Variants in TSPAN5 observed in about 807,000 individuals in gnomAD.
TSPAN5 encodes the protein tetraspanin-5.
In TSPAN5, 10 loss-of-function variants were observed where a neutral mutation model predicts 37.1. The observed-to-expected ratio is 0.27, with a 90% CI of 0.17 to 0.46. The LOEUF is 0.46. Among genes scored for constraint, TSPAN5 ranks in the 20% least tolerant of loss-of-function variants. TSPAN5 has a pLI of 1.00. For missense variants in TSPAN5, 195 were observed against 326.6 expected (o/e 0.60, Z 3.11); for synonymous variants, 110 against 118.9 (o/e 0.93, Z 0.48).
intron 1 of TSPAN5, among the ~76,000 whole-genome samples, chr4:98,643,434 G>T (rs1757000009): frequency 6.6e-6 from 1 of 151,920 alleles, no homozygotes. Flanking sequence ...AAAGTCCAAG[G>T]ATATAGATCA....
At position 98,476,445 on chromosome 4, in the gene TSPAN5, T is replaced by G; in HGVS notation, c.592A>C (p.Thr198Pro). ...TKDPAEDVIN[T>P]QCGYDARQKP... ...TGCCTGGCATCATAGCCACACTGAGTGTTGATGACATCTTCCTGGTGAAGA... is the reference window on the plus strand; with the variant it reads ...TGCCTGGCATCATAGCCACACTGAGGGTTGATGACATCTTCCTGGTGAAGA... The change falls in exon 6 of 8, where the codon ACT becomes CCT. Residue 198 changes from threonine to proline, a missense_variant. Thr to Pro is a conservative substitution (Grantham distance 38, BLOSUM62 -1). Coordinates refer to ENST00000305798, the MANE Select transcript of TSPAN5 (RefSeq NM_005723.4). 1 of 1,614,192 alleles carries G rather than the reference T, an allele frequency of 6.2e-7. No individual in the cohort carries two copies. The highest frequency in any genetic ancestry group is 8.5e-7 in the Non-Finnish European group (1 of 1,180,032).
chr4:98,478,802 G>A lies in TSPAN5; in HGVS notation c.459C>T (p.Cys153=). 6.2e-7 allele frequency: 1 copy of A among 1,613,822 alleles called. No homozygotes were observed. The highest frequency in any genetic ancestry group is 1.1e-5 in the South Asian group (1 of 91,076). Residue 153 remains cysteine, a synonymous_variant, in exon 5 of 8, where the codon TGC becomes TGT. Transcript: ENST00000305798. ...AATCATCAGCTCCAAAAGCCCCACAGCACTGCCACTAGAGCAAACAGGAAA... is the reference window on the plus strand; with the variant it reads ...AATCATCAGCTCCAAAAGCCCCACAACACTGCCACTAGAGCAAACAGGAAA... ...LIDFTQEYWQ[C]CGAFGADDWN... is the part of the protein sequence containing the mutation.
At chr4:98,592,421 GTTTTTTGT>G (rs1443259767) in intron 1 of TSPAN5, among the ~76,000 whole-genome samples, 3 of 95,280 alleles carry the variant, frequency 3.1e-5, no homozygotes. Context: ...AGGGATCTCT[GTTTTTTGT>G]TTTTTTTTTT....
rs372572497 is a variant in TSPAN5 at position 98,579,145 on chromosome 4, T to C, written c.82-71417A>G. 1.2e-4 allele frequency among the ~76,000 whole-genome samples: 18 copies of C among 152,258 alleles called. No homozygotes were observed. The East Asian group carries it at 2.9e-3, about 24-fold the overall frequency. ...TACCCGTACACCTCCAGAAAGGGCA[T>C]AGTCAACTGCAACACAGCATCCACA... is the stretch of plus-strand genomic sequence containing the variant. On this transcript the variant is annotated intron_variant, in intron 1 of 7. Transcript: ENST00000305798.
rs1272043363 is a variant in TSPAN5, at chr4:98,562,303, G to A, written c.82-54575C>T. ...AAAGCAGGTAGTAGATGACTGCAAT[G>A]GCCCAGGCCTCAGGAGAGAGGAGAT... On this transcript the variant is annotated intron_variant, in intron 1 of 7. Transcript: ENST00000305798. 2.6e-5 allele frequency among the ~76,000 whole-genome samples: 4 copies of A among 152,144 alleles called. No homozygotes were observed. The East Asian group carries it at 7.7e-4, about 29-fold the overall frequency.
intron 1 of TSPAN5, among the ~76,000 whole-genome samples, chr4:98,604,556 C>A (rs1755961365): frequency 6.6e-6 from 1 of 152,194 alleles, no homozygotes; most frequent in Non-Finnish European, 1.5e-5. Context: ...GAAGTAATGT[C>A]TTTACCATTA....
intron 2 of TSPAN5, among the ~76,000 whole-genome samples, chr4:98,494,025 A>G (rs1227302765): frequency 6.6e-6 from 1 of 152,190 alleles, no homozygotes; most frequent in Non-Finnish European, 1.5e-5. Context: ...ATCTCTCATA[A>G]CTTAGCAAAG....
At chr4:98,618,727 G>A (rs1756404637) in intron 1 of TSPAN5, among the ~76,000 whole-genome samples, 1 of 152,200 alleles carries the variant, frequency 6.6e-6, no homozygotes, top group African/African-American at 2.4e-5. Flanking sequence ...GGGGTCTTCA[G>A]TGTGTAGGAG....
chr4:98,583,586 G>A (rs895085715), intron 1 of TSPAN5, among the ~76,000 whole-genome samples: 2 of 152,210 alleles, frequency 1.3e-5, no homozygotes, highest in Non-Finnish European at 2.9e-5. Flanking sequence ...CCTGACCCAC[G>A]TTCAACTTGA....
chr4:98,589,943 T>C lies in TSPAN5; in HGVS notation c.81+68203A>G, dbSNP rs573037855. Among the ~76,000 whole-genome samples, 13 of 152,280 alleles carry C rather than the reference T, an allele frequency of 8.5e-5. No homozygotes were observed. The East Asian group carries it at 2.3e-3, about 27-fold the overall frequency. On this transcript the variant is annotated intron_variant, in intron 1 of 7. Coordinates refer to ENST00000305798, the MANE Select transcript of TSPAN5 (RefSeq NM_005723.4). ...AATAGCACTTCTAGCTCTATTTACA[T>C]AGTCACACTACCTCTCTCCTGTGCT...
chr4:98,564,272 T>G (rs1361721877), intron 1 of TSPAN5, among the ~76,000 whole-genome samples: 1 of 152,224 alleles, frequency 6.6e-6, no homozygotes, highest in Non-Finnish European at 1.5e-5. Context: ...TCTATCAAAT[T>G]CTTACCCCAA....
rs111480847 is a variant in TSPAN5 at position 98,506,092 on chromosome 4, ACTG to A, written c.132+1583_132+1585del. On this transcript the variant is annotated intron_variant, in intron 2 of 7. Transcript: ENST00000305798. ...AAATTAAAAAACTTCAAAATTACCA[ACTG>A]CTGTTTATTGCTAGAACAGATAATT... is the stretch of plus-strand genomic sequence containing the variant. Among the ~76,000 whole-genome samples, 175 of 152,294 alleles carry A rather than the reference ACTG, an allele frequency of 1.1e-3. 2 individuals are homozygous for A. The highest frequency in any genetic ancestry group is 4.0e-3 in the African/African-American group (165 of 41,556).
chr4:98,594,556 G>T lies in TSPAN5; in HGVS notation c.81+63590C>A, dbSNP rs1467752652. Reference sequence around the variant, plus strand: ...AATGCTTCCAGTTTTTGCCCATTCAGTATGATATTGGCTGTGGGTTTGTCA... The same window carrying T: ...AATGCTTCCAGTTTTTGCCCATTCATTATGATATTGGCTGTGGGTTTGTCA... On this transcript the variant is annotated intron_variant, in intron 1 of 7. Coordinates refer to ENST00000305798, the MANE Select transcript of TSPAN5 (RefSeq NM_005723.4). Among the ~76,000 whole-genome samples the T allele has an allele frequency of 4.7e-5, 3 of 64,430 alleles. 1 individual carries two copies. Among genetic ancestry groups the T allele is most frequent in the Non-Finnish European group, 7.9e-5 (3 of 38,062 alleles). The allele number at this position is 64,430 out of a possible 152,430, so 42.3% of individuals were successfully genotyped here.
rs920524200 is a variant in TSPAN5, at chr4:98,480,720, C to T, written c.450+1285G>A. ...TCGAGGTGTGTCCACAAAGCTCCAT[C>T]AATGTGTCATGCAAACTAGTCAGGA... On this transcript the variant is annotated intron_variant, in intron 4 of 7. Coordinates refer to ENST00000305798, the MANE Select transcript of TSPAN5 (RefSeq NM_005723.4). Among the ~76,000 whole-genome samples, 5 of 152,168 alleles carry T rather than the reference C, an allele frequency of 3.3e-5. No homozygotes were observed. In the South Asian group the frequency reaches 8.3e-4, roughly 25 times the overall value.
At chr4:98,484,537 A>G (rs1752918193) in intron 3 of TSPAN5, 1 of 456,158 alleles carries the variant, frequency 2.2e-6, no homozygotes, top group Non-Finnish European at 4.4e-6. Flanking sequence ...TTTATAAATT[A>G]AGGTGCTGAT....
chr4:98,566,115 C>T (rs1423688922), intron 1 of TSPAN5, among the ~76,000 whole-genome samples: 2 of 152,060 alleles, frequency 1.3e-5, no homozygotes, highest in Non-Finnish European at 2.9e-5. Flanking sequence ...TTCAGGGAAC[C>T]GGTGAAAACG....
chr4:98,525,308 A>T (rs1753936462), intron 1 of TSPAN5, among the ~76,000 whole-genome samples: 5 of 152,182 alleles, frequency 3.3e-5, no homozygotes, highest in Non-Finnish European at 2.9e-5. Context: ...GCCATTGTGC[A>T]GAGTTTGCAC....
chr4:98,631,427 G>A (rs1367260321), intron 1 of TSPAN5, among the ~76,000 whole-genome samples: 1 of 152,084 alleles, frequency 6.6e-6, no homozygotes, highest in Non-Finnish European at 1.5e-5. Flanking sequence ...GGGTGCACCT[G>A]TACCTGTGAA....
chr4:98,643,906 T>A (rs1757008582), intron 1 of TSPAN5, among the ~76,000 whole-genome samples: 1 of 152,234 alleles, frequency 6.6e-6, no homozygotes, highest in African/African-American at 2.4e-5. Context: ...TGTGGGCAGT[T>A]GTTGCCCATC....
Sources: gnomAD v4.1 joint callset for allele counts (sites outside exome capture counted in the v4.1 genomes callset) on GRCh38, gnomAD v4.1.1 for gene constraint, MANE v1.5 for transcripts, NCBI Gene and HGNC (gene_info 2026-07-23, HGNC 2026-07-21) for gene names.